Variants in KLHDC1 observed in about 807,000 individuals in gnomAD.
KLHDC1 encodes the protein kelch domain-containing protein 1.
In KLHDC1, 53 loss-of-function variants were observed where a neutral mutation model predicts 68.3. That is an observed-to-expected ratio of 0.78 (90% CI 0.62 to 0.98). KLHDC1 has a LOEUF of 0.98. KLHDC1 is among the 50% of genes least tolerant of loss of function. The pLI, the probability that KLHDC1 is intolerant of heterozygous loss-of-function variation, is 0.00. For synonymous variants in KLHDC1, 148 were observed against 159.0 expected (o/e 0.93, Z 0.52); for missense variants, 470 against 492.3 (o/e 0.95, Z 0.43).
intron 1 of KLHDC1, among the ~76,000 whole-genome samples, chr14:49,699,703 A>G (rs182361339): frequency 2.0e-4 from 30 of 152,348 alleles, no homozygotes. Flanking sequence ...ATTGTCAAAC[A>G]TATTCTGAAG....
chr14:49,744,516 G>A (rs1433800729), intron 12 of KLHDC1, among the ~76,000 whole-genome samples: 1 of 151,876 alleles, frequency 6.6e-6, no homozygotes, highest in Non-Finnish European at 1.5e-5. Context: ...TATTTGTGGG[G>A]ATCGGTTCCA....
rs35067251 is a variant in KLHDC1, at chr14:49,704,387, G to GTTTTT, written c.97-4752_97-4748dup. Among the ~76,000 whole-genome samples, 142 of 68,732 alleles carry GTTTTT rather than the reference G, an allele frequency of 2.1e-3. 10 individuals are homozygous for GTTTTT. Among genetic ancestry groups the GTTTTT allele is most frequent in the East Asian group, 3.2e-3 (7 of 2,182 alleles). The allele number at this position is 68,732 out of a possible 152,430, so 45.1% of individuals were successfully genotyped here. On this transcript the variant is annotated intron_variant, in intron 1 of 12. Coordinates refer to ENST00000359332, the MANE Select transcript of KLHDC1 (RefSeq NM_172193.3). ...GTCTTTTTATTTTTTTTCCTTTTCT[G>GTTTTT]TTTTTTTTTTTTTTTTTTTTTTTTG...
rs1889336021 is a variant in KLHDC1, at chr14:49,752,314, TAGTAA to T, written c.*547_*551del. On this transcript the variant is annotated 3_prime_UTR_variant, in exon 13 of 13. Transcript: ENST00000359332. ...ACTCCTGACCTTTTCGACACTTACC[TAGTAA>T]AGTATTCTTAGGCATCATCATAACT... 1.3e-5 allele frequency: 2 copies of T among 152,494 alleles called. No homozygotes were observed. The highest frequency in any genetic ancestry group is 4.8e-5 in the African/African-American group (2 of 41,450). The allele number at this position is 152,494 out of a possible 1,614,324, so 9.4% of individuals were successfully genotyped here.
intron 1 of KLHDC1, among the ~76,000 whole-genome samples, chr14:49,705,940 A>G (rs1414015762): frequency 6.6e-6 from 1 of 152,240 alleles, no homozygotes; most frequent in Non-Finnish European, 1.5e-5. Context: ...TAATAGTCAC[A>G]TCATATAAAA....
intron 10 of KLHDC1, among the ~76,000 whole-genome samples, chr14:49,738,985 CTTAG>C (rs1888998037): frequency 6.6e-6 from 1 of 152,212 alleles, no homozygotes. Context: ...ACCTCATAAT[CTTAG>C]TTAGCTAGTC....
chr14:49,726,464 G>C (rs1888673755), intron 6 of KLHDC1, among the ~76,000 whole-genome samples: 1 of 152,096 alleles, frequency 6.6e-6, no homozygotes, highest in Non-Finnish European at 1.5e-5. Context: ...AGGTTTTCTA[G>C]AAAAAAGTCT....
Position 49,725,676 on chromosome 14 carries a change from T to G in KLHDC1, c.484-10T>G. On this transcript the variant is annotated splice_polypyrimidine_tract_variant and intron_variant, in intron 5 of 12. Transcript: ENST00000359332. ...AAAGCTTTGAGATATTTAAAACATT[T>G]CTCTTTTAGGAAGAGCAGATATTCT... is the stretch of plus-strand genomic sequence containing the variant. The G allele has an allele frequency of 8.3e-7, 1 of 1,207,040 alleles. No individual in the cohort carries two copies. The highest frequency in any genetic ancestry group is 1.1e-6 in the Non-Finnish European group (1 of 907,620). The allele number at this position is 1,207,040 out of a possible 1,614,324, so 74.8% of individuals were successfully genotyped here. A position where few individuals can be genotyped will look rare whatever the true frequency, so the allele number is the denominator to read the frequency against.
At chr14:49,709,868 T>C (rs1888154360) in intron 3 of KLHDC1, 42 bp downstream of exon 3, 3 of 928,816 alleles carry the variant, frequency 3.2e-6, no homozygotes, top group Admixed American at 4.8e-5. Flanking sequence ...AAATGTAATA[T>C]TTAATGCATC....
At position 49,729,479 on chromosome 14, in the gene KLHDC1, T is replaced by A. The variant is rs1566612795; in HGVS notation, c.652-11T>A. 1.3e-6 allele frequency: 2 copies of A among 1,597,606 alleles called. No homozygotes were observed. Among genetic ancestry groups the A allele is most frequent in the Non-Finnish European group, 1.7e-6 (2 of 1,165,444 alleles). On this transcript the variant is annotated splice_polypyrimidine_tract_variant and intron_variant, in intron 7 of 12. Transcript: ENST00000359332. ...TGAAATACTGACCAATGTAACACAC[T>A]TTTCTTTTAGCAAACTAGGATGAAT... is the stretch of plus-strand genomic sequence containing the variant.
intron 4 of KLHDC1, among the ~76,000 whole-genome samples, chr14:49,723,131 G>C (rs1242622370): frequency 2.1e-5 from 3 of 142,270 alleles, no homozygotes; most frequent in African/African-American, 7.8e-5. Flanking sequence ...AAAACCATGA[G>C]ATCTCATGAC....
intron 10 of KLHDC1, 117 bp from the exon 11 acceptor site, chr14:49,739,981 A>G: frequency 5.2e-6 from 3 of 578,502 alleles, no homozygotes; most frequent in South Asian, 2.9e-5. Context: ...TTCAAGTTCA[A>G]TCGTGTCTCT....
In KLHDC1 at chr14:49,746,875, C is replaced by T. The variant is rs142310772; in HGVS notation, c.1034+3070C>T. The stretch of plus-strand genomic sequence containing the variant: ...ACCTCTTATCCTGTTAATTCTTACA[C>T]TCCCTTACTCCTTGGACTCTTCTCG... On this transcript the variant is annotated intron_variant, in intron 12 of 12. Coordinates refer to ENST00000359332, the MANE Select transcript of KLHDC1 (RefSeq NM_172193.3). 5.3e-3 allele frequency among the ~76,000 whole-genome samples: 800 copies of T among 152,096 alleles called. 4 individuals are homozygous for T. Among genetic ancestry groups the T allele is most frequent in the African/African-American group, 0.017 (690 of 41,520 alleles).
intron 1 of KLHDC1, chr14:49,707,842 G>A (rs932142527): frequency 8.9e-5 from 13 of 146,806 alleles, no homozygotes; most frequent in South Asian, 2.1e-4. Context: ...TTTTTTTAGA[G>A]ACAAGATCTG....
intron 9 of KLHDC1, among the ~76,000 whole-genome samples, chr14:49,734,096 GT>G (rs1566615323): frequency 6.6e-6 from 1 of 151,892 alleles, no homozygotes; most frequent in African/African-American, 2.4e-5. Context: ...TCTGTTTTTG[GT>G]CATTGACCTA....
intron 1 of KLHDC1, among the ~76,000 whole-genome samples, 171 bp from the exon 2 acceptor site, chr14:49,708,987 GA>G (rs1366358829): frequency 6.6e-6 from 1 of 151,764 alleles, no homozygotes. Flanking sequence ...CTTTCTCTTA[GA>G]AAATCTTCTT....
Position 49,723,881 on chromosome 14 carries a change from TATTTTGGTG to T in KLHDC1, c.413_421del (p.Tyr138_Gly141delinsCys). On this transcript the variant is annotated inframe_deletion, in exon 5 of 13. Transcript: ENST00000359332. ...TTCGTATTTGTTTTTCAGACTAATA[TATTTTGGTG>T]GTTATGGGTGTAGGAGACACAGTGA... 1.3e-6 allele frequency: 2 copies of T among 1,578,210 alleles called. No homozygotes were observed. The highest frequency in any genetic ancestry group is 1.7e-6 in the Non-Finnish European group (2 of 1,153,484).
chr14:49,714,620 GA>G lies in KLHDC1; in HGVS notation c.404+4248del, dbSNP rs201844537. ...GAGACCTCATCTCTACAAAAAGTAA[GA>G]AAAAAAAATACCCAGGTGTGGTGGC... is the stretch of plus-strand genomic sequence containing the variant. On this transcript the variant is annotated intron_variant, in intron 4 of 12. Transcript: ENST00000359332. Among the ~76,000 whole-genome samples the G allele has an allele frequency of 4.4e-3, 666 of 149,876 alleles. 4 individuals are homozygous for G. The highest frequency in any genetic ancestry group is 0.024 in the Middle Eastern group (7 of 292).
intron 10 of KLHDC1, among the ~76,000 whole-genome samples, chr14:49,737,744 A>T (rs1303015730): frequency 6.7e-6 from 1 of 150,062 alleles, no homozygotes; most frequent in Non-Finnish European, 1.5e-5. Flanking sequence ...GTGTGCCTGT[A>T]GTTCTAGCTA....
chr14:49,728,117 G>GT (rs762477081), intron 6 of KLHDC1, among the ~76,000 whole-genome samples: 42 of 152,194 alleles, frequency 2.8e-4, no homozygotes, highest in Non-Finnish European at 5.4e-4. Context: ...AGGCCAGGAG[G>GT]TTTGAGACCA....
Sources: allele counts gnomAD v4.1 joint callset (sites outside exome capture counted in the v4.1 genomes callset), GRCh38; gene constraint gnomAD v4.1.1; transcripts MANE v1.5; gene names NCBI Gene and HGNC (gene_info 2026-07-23, HGNC 2026-07-21).